Variants in FSD1L observed in about 807,000 individuals in gnomAD.
The protein encoded by FSD1L is fibronectin type III and SPRY domain containing 1 like.
In FSD1L, 45 loss-of-function variants were observed where a neutral mutation model predicts 71.6. That is an observed-to-expected ratio of 0.63 (90% CI 0.49 to 0.81). The LOEUF (loss-of-function observed/expected upper bound fraction) is 0.81. Among genes scored for constraint, FSD1L ranks in the 30% least tolerant of loss-of-function variants. The probability of loss-of-function intolerance (pLI) is 0.00; values close to 1 mark genes in which losing one functional copy is unlikely to be tolerated. For missense variants in FSD1L, 561 were observed against 618.1 expected (o/e 0.91, Z 0.98); for synonymous variants, 197 against 207.2 (o/e 0.95, Z 0.42).
chr9:105,521,946 T>C (rs1589070575), intron 10 of FSD1L: 1 of 1,612,770 alleles, frequency 6.2e-7, no homozygotes, highest in Non-Finnish European at 8.5e-7. Context: ...TCTTAACATT[T>C]ATCGGTACAT....
At chr9:105,481,881 T>A (rs920304657) in intron 6 of FSD1L, among the ~76,000 whole-genome samples, 3 of 151,948 alleles carry the variant, frequency 2.0e-5, no homozygotes, top group African/African-American at 7.3e-5. Context: ...TAAGGGGCCC[T>A]TCCACCTCTG....
chr9:105,521,214 G>A lies in FSD1L; in HGVS notation c.1025+8278G>A. On this transcript the variant is annotated intron_variant, in intron 10 of 13. Coordinates refer to ENST00000481272, the MANE Select transcript of FSD1L (RefSeq NM_001145313.3). ...CTGGCTGGAGCCAAAACCACATACAGGACCTCATATTCCTGGGATGGAAGG... is the reference window on the plus strand; with the variant it reads ...CTGGCTGGAGCCAAAACCACATACAAGACCTCATATTCCTGGGATGGAAGG... 5.0e-6 allele frequency: 8 copies of A among 1,614,160 alleles called. No individual in the cohort carries two copies. In the South Asian group the frequency reaches 6.6e-5, roughly 13 times the overall value.
chr9:105,462,879 T>C (rs140511487), intron 2 of FSD1L, among the ~76,000 whole-genome samples: 34 of 150,688 alleles, frequency 2.3e-4, no homozygotes, highest in African/African-American at 8.0e-4. Context: ...AGCTTACACC[T>C]GCAGTCCCAG....
At chr9:105,471,790 C>G in intron 4 of FSD1L, 114 bp from the exon 5 acceptor site, 1 of 383,504 alleles carries the variant, frequency 2.6e-6, no homozygotes, top group Non-Finnish European at 4.6e-6. Context: ...TGTTTTTCCT[C>G]TATTATTGCT....
At chr9:105,468,507 A>AT (rs368002893) in intron 4 of FSD1L, among the ~76,000 whole-genome samples, 183 bp downstream of exon 4, 282 of 141,752 alleles carry the variant, frequency 2.0e-3, no homozygotes, top group Middle Eastern at 7.7e-3. Flanking sequence ...TCTCTTAACC[A>AT]TTTTTTTTTT....
chr9:105,442,704 A>T, the FSD1L span, among the ~76,000 whole-genome samples: 6 of 151,172 alleles, frequency 4.0e-5, no homozygotes, highest in Non-Finnish European at 7.4e-5. Context: ...AAAAAAAAAA[A>T]GTTATTTCTA....
At chr9:105,541,052 CTG>C (rs1436996065) in intron 13 of FSD1L, among the ~76,000 whole-genome samples, 3 of 152,116 alleles carry the variant, frequency 2.0e-5, no homozygotes, top group Admixed American at 1.3e-4. Context: ...TCACCCCTAA[CTG>C]TAACTTCTCA....
At chr9:105,469,256 G>A (rs1831279790) in intron 4 of FSD1L, among the ~76,000 whole-genome samples, 2 of 152,166 alleles carry the variant, frequency 1.3e-5, no homozygotes, top group South Asian at 4.1e-4. Flanking sequence ...TTGAGATTCT[G>A]TTTTCAATTG....
At chr9:105,487,074 C>T (rs1338078532) in intron 7 of FSD1L, among the ~76,000 whole-genome samples, 3 of 152,106 alleles carry the variant, frequency 2.0e-5, no homozygotes, top group Non-Finnish European at 2.9e-5. Flanking sequence ...CATACATATA[C>T]ATTGTTATAT....
intron 10 of FSD1L, chr9:105,526,402 A>T: frequency 1.2e-6 from 2 of 1,613,372 alleles, no homozygotes; most frequent in Non-Finnish European, 1.7e-6. Flanking sequence ...CAGAGATTCT[A>T]CCCAGTGAAA....
Position 105,535,332 on chromosome 9 carries a change from C to T in FSD1L, c.1378+14C>T, listed in dbSNP as rs1213495844. ...ATTTTGATGGGGGTAAGTTTATTTT[C>T]TCGTAGGTTATTTCATCATAGTTGC... On this transcript the variant is annotated intron_variant, in intron 12 of 13. Transcript: ENST00000481272. 6.4e-7 allele frequency: 1 copy of T among 1,550,546 alleles called. No homozygotes were observed. The highest frequency in any genetic ancestry group is 2.4e-5 in the East Asian group (1 of 40,882).
At chr9:105,523,705 T>G (rs1485654828) in intron 10 of FSD1L, 4 of 1,598,380 alleles carry the variant, frequency 2.5e-6, no homozygotes, top group South Asian at 1.1e-5. Flanking sequence ...GCATATAAAC[T>G]TATTGGTAAT....
At chr9:105,483,708 T>C (rs1477961870) in intron 6 of FSD1L, among the ~76,000 whole-genome samples, 1 of 152,206 alleles carries the variant, frequency 6.6e-6, no homozygotes, top group Non-Finnish European at 1.5e-5. Flanking sequence ...TAAATGTTTA[T>C]TGAATTCCTG....
intron 3 of FSD1L, among the ~76,000 whole-genome samples, chr9:105,467,412 A>G (rs1258295689): frequency 6.6e-6 from 1 of 152,208 alleles, no homozygotes. Flanking sequence ...GATATTGCTT[A>G]TCTAGGGATT....
chr9:105,491,926 T>C (rs1407605049), intron 7 of FSD1L, among the ~76,000 whole-genome samples: 1 of 152,220 alleles, frequency 6.6e-6, no homozygotes, highest in East Asian at 1.9e-4. Context: ...GATTTTTGCA[T>C]CAATGTTCAT....
chr9:105,516,446 G>C (rs1420756920), intron 10 of FSD1L, among the ~76,000 whole-genome samples: 3 of 152,174 alleles, frequency 2.0e-5, no homozygotes, highest in Non-Finnish European at 1.5e-5. Flanking sequence ...GAAAGCTCTG[G>C]CTAGCATCTG....
intron 10 of FSD1L, chr9:105,521,376 G>T (rs867285401): frequency 2.5e-6 from 4 of 1,614,028 alleles, no homozygotes; most frequent in Middle Eastern, 3.3e-4. Flanking sequence ...CACTCTCACG[G>T]AGCGAGAACC....
At chr9:105,456,340 A>G (rs1186954795) in intron 1 of FSD1L, among the ~76,000 whole-genome samples, 2 of 152,246 alleles carry the variant, frequency 1.3e-5, no homozygotes, top group African/African-American at 4.8e-5. Context: ...GAAAATGAGG[A>G]TAATAATAGT....
chr9:105,525,625 C>A, intron 10 of FSD1L: 1 of 1,612,346 alleles, frequency 6.2e-7, no homozygotes, highest in Non-Finnish European at 8.5e-7. Flanking sequence ...TGAAAAGCTA[C>A]TTAGAGAACT....
Sources: allele counts gnomAD v4.1 joint callset (sites outside exome capture counted in the v4.1 genomes callset), GRCh38; gene constraint gnomAD v4.1.1; transcripts MANE v1.5; gene names NCBI Gene and HGNC (gene_info 2026-07-23, HGNC 2026-07-21).